The following VTI1B variants were observed in gnomAD, a reference collection of about 807,000 sequenced individuals.
VTI1B encodes vesicle transport through interaction with t-SNAREs 1B.
A neutral mutation model predicts 28.6 loss-of-function variants in VTI1B; 18 were observed. The observed-to-expected ratio is 0.63, with a 90% CI of 0.43 to 0.93. VTI1B has a LOEUF of 0.93. Among genes scored for constraint, VTI1B ranks in the 40% least tolerant of loss-of-function variants. VTI1B has a pLI of 0.00. For synonymous variants in VTI1B, 100 were observed against 107.9 expected, an observed-to-expected ratio of 0.93 and a Z score of 0.46; for missense variants, 283 against 297.0, an observed-to-expected ratio of 0.95 and a Z score of 0.35.
In VTI1B at chr14:67,650,236, CAG is replaced by C; in HGVS notation, c.*1147_*1148del. The C allele has an allele frequency of 5.2e-6, 1 of 193,000 alleles. No homozygotes were observed. Among genetic ancestry groups the C allele is most frequent in the South Asian group, 1.1e-4 (1 of 9,416 alleles). The allele number at this position is 193,000 out of a possible 1,614,324, so 12.0% of individuals were successfully genotyped here. On this transcript the variant is annotated 3_prime_UTR_variant, in exon 6 of 6. Transcript: ENST00000554659. ...CAGGGCATATGGTGTGGTGCTCTAA[CAG>C]ATACAGATAACACATTAGAGTTCAA... is the stretch of plus-strand genomic sequence containing the variant.
chr14:67,663,824 G>A (rs1032428168), intron 1 of VTI1B, among the ~76,000 whole-genome samples: 11 of 152,244 alleles, frequency 7.2e-5, no homozygotes, highest in Admixed American at 3.9e-4. Context: ...GTTAGTCAGC[G>A]GGGTGAGGTT....
intron 1 of VTI1B, 56 bp downstream of exon 1, chr14:67,674,319 T>G: frequency 3.5e-6 from 5 of 1,448,166 alleles, no homozygotes; most frequent in Non-Finnish European, 4.6e-6. Flanking sequence ...GGGAGAATCT[T>G]CCTTCCAAAG....
chr14:67,674,272 G>C, intron 1 of VTI1B, 103 bp downstream of exon 1: 1 of 1,108,242 alleles, frequency 9.0e-7, no homozygotes, highest in African/African-American at 1.6e-5. Flanking sequence ...TGAGGACGCG[G>C]AGGGAGGAGA....
rs970964335 is a variant in VTI1B, at chr14:67,674,308, T to A, written c.115+67A>T. 1.4e-4 allele frequency: 196 copies of A among 1,397,864 alleles called. 2 individuals are homozygous for A. The South Asian group carries it at 2.2e-3, about 16-fold the overall frequency. The allele number at this position is 1,397,864 out of a possible 1,614,324, so 86.6% of individuals were successfully genotyped here. ...CGCGGGCCCGGGTCTGGGAGGAAGG[T>A]GGGAGAATCTTCCTTCCAAAGCGCG... On this transcript the variant is annotated intron_variant, in intron 1 of 5. Coordinates refer to ENST00000554659, the MANE Select transcript of VTI1B (RefSeq NM_006370.3).
chr14:67,658,424 C>A (rs1419727680), intron 3 of VTI1B, among the ~76,000 whole-genome samples: 1 of 151,938 alleles, frequency 6.6e-6, no homozygotes, highest in Non-Finnish European at 1.5e-5. Flanking sequence ...GAAACCCCGT[C>A]TCTACTAAAA....
rs2140785529 is a variant in VTI1B, at chr14:67,648,321, T to C, written c.*3064A>G. On this transcript the variant is annotated 3_prime_UTR_variant, in exon 6 of 6. Coordinates refer to ENST00000554659, the MANE Select transcript of VTI1B (RefSeq NM_006370.3). ...CTTAAACTTTTGTAGCTAAAAATTATATGGCCATGCTAATAAAAAGGATAT... is the reference window on the plus strand; with the variant it reads ...CTTAAACTTTTGTAGCTAAAAATTACATGGCCATGCTAATAAAAAGGATAT... The C allele has an allele frequency of 1.1e-6, 1 of 938,554 alleles. No homozygotes were observed. Among genetic ancestry groups the C allele is most frequent in the Non-Finnish European group, 1.5e-6 (1 of 651,754 alleles). 58.1% of individuals were successfully genotyped at this position (938,554 alleles called of 1,614,324 possible).
chr14:67,652,980 C>T (rs994784777), intron 5 of VTI1B, among the ~76,000 whole-genome samples: 9 of 151,954 alleles, frequency 5.9e-5, no homozygotes, highest in African/African-American at 2.2e-4. Flanking sequence ...TTAGTAGAGA[C>T]GGGTTTCACC....
At chr14:67,670,204 C>A (rs912254504) in intron 1 of VTI1B, among the ~76,000 whole-genome samples, 1 of 152,170 alleles carries the variant, frequency 6.6e-6, no homozygotes, top group African/African-American at 2.4e-5. Context: ...GCCATTAATG[C>A]CCTCCTTCTA....
chr14:67,652,794 T>C (rs1257926261), intron 5 of VTI1B, among the ~76,000 whole-genome samples: 4 of 152,204 alleles, frequency 2.6e-5, no homozygotes, highest in Non-Finnish European at 5.9e-5. Flanking sequence ...ATTTTACAAA[T>C]ATATTTCTTT....
rs766532842 is a variant in VTI1B, at chr14:67,659,778, G to A, written c.319C>T (p.Arg107Ter). The A allele has an allele frequency of 1.2e-5, 19 of 1,613,438 alleles. No individual in the cohort carries two copies. The highest frequency in any genetic ancestry group is 6.7e-5 in the East Asian group (3 of 44,878). Residue 107 changes from arginine to a stop codon, truncating the protein, a stop_gained, in exon 3 of 6, where the codon CGA becomes TGA. Coordinates refer to ENST00000554659, the MANE Select transcript of VTI1B (RefSeq NM_006370.3). LOFTEE classifies it high-confidence loss of function. ...TATATGCCATATTTCATGTCTCCTC[G>A]GCCTCCAGGTGTGGCTGTCAAAGGT... ...STPLTATPGG[R>*]GDMKYGIYAV...
chr14:67,667,683 G>A (rs1271637488), intron 1 of VTI1B, among the ~76,000 whole-genome samples: 3 of 152,106 alleles, frequency 2.0e-5, no homozygotes, highest in Non-Finnish European at 4.4e-5. Context: ...GGTGGCTCAC[G>A]CCTGTAATCC....
chr14:67,659,233 T>C (rs2037305081), intron 3 of VTI1B, among the ~76,000 whole-genome samples: 1 of 152,212 alleles, frequency 6.6e-6, no homozygotes, highest in African/African-American at 2.4e-5. Flanking sequence ...CATTGGCTAC[T>C]GTATCTCAGT....
intron 1 of VTI1B, among the ~76,000 whole-genome samples, chr14:67,667,116 G>T (rs887709231): frequency 1.3e-5 from 2 of 152,154 alleles, no homozygotes; most frequent in African/African-American, 4.8e-5. Flanking sequence ...TCTCCTTTGG[G>T]AAACTGGGTG....
At chr14:67,662,784 A>G (rs904114993) in intron 1 of VTI1B, among the ~76,000 whole-genome samples, 1 of 151,746 alleles carries the variant, frequency 6.6e-6, no homozygotes. Flanking sequence ...GGCACCTGTA[A>G]TCTCAGCTAC....
intron 4 of VTI1B, among the ~76,000 whole-genome samples, chr14:67,656,199 T>G (rs1298891057): frequency 2.0e-5 from 3 of 147,982 alleles, no homozygotes; most frequent in African/African-American, 7.5e-5. Context: ...CAAGTGGAGA[T>G]CACGCCACTG....
intron 4 of VTI1B, among the ~76,000 whole-genome samples, chr14:67,655,795 G>A (rs2037247940): frequency 6.6e-6 from 1 of 152,148 alleles, no homozygotes; most frequent in African/African-American, 2.4e-5. Context: ...AGAGAATGCA[G>A]CCACTTTATC....
chr14:67,663,038 T>C, intron 1 of VTI1B: 1 of 1,423,938 alleles, frequency 7.0e-7, no homozygotes, highest in East Asian at 2.6e-5. Context: ...CTCGGCTTGC[T>C]GAGAGGCTGT....
Position 67,648,465 on chromosome 14 carries a change from T to C in VTI1B, c.*2920A>G, listed in dbSNP as rs546242682. On this transcript the variant is annotated 3_prime_UTR_variant, in exon 6 of 6. Coordinates refer to ENST00000554659, the MANE Select transcript of VTI1B (RefSeq NM_006370.3). ...GAATAAATTGTCAAACTGATGCAGTTCTTTGAGTTATCTAAAGGCAGATTA... is the reference window on the plus strand; with the variant it reads ...GAATAAATTGTCAAACTGATGCAGTCCTTTGAGTTATCTAAAGGCAGATTA... 1 of 251,628 alleles carries C rather than the reference T, an allele frequency of 4.0e-6. No individual in the cohort carries two copies. Among genetic ancestry groups the C allele is most frequent in the East Asian group, 8.0e-5 (1 of 12,546 alleles). 15.6% of individuals were successfully genotyped at this position (251,628 alleles called of 1,614,324 possible).
At chr14:67,663,109 G>A (rs908705511) in intron 1 of VTI1B, 30 of 1,520,830 alleles carry the variant, frequency 2.0e-5, no homozygotes, top group African/African-American at 1.1e-4. Flanking sequence ...CGATGAGAAC[G>A]TTATTCATTC....
Sources: allele counts gnomAD v4.1 joint callset (sites outside exome capture counted in the v4.1 genomes callset), GRCh38; gene constraint gnomAD v4.1.1; transcripts MANE v1.5; gene names NCBI Gene and HGNC (gene_info 2026-07-23, HGNC 2026-07-21).